The following NBPF11 variants were observed in gnomAD, a reference collection of about 807,000 sequenced individuals.
The protein encoded by NBPF11 is NBPF family member NBPF11.
A neutral mutation model predicts 93.9 loss-of-function variants in NBPF11; 72 were observed. The ratio of observed to expected loss-of-function variants is 0.77; its 90% CI spans 0.63 to 0.93. The LOEUF (loss-of-function observed/expected upper bound fraction) is 0.93, where lower values mean the gene tolerates loss of function less well. Among genes scored for constraint, NBPF11 ranks in the 40% least tolerant of loss-of-function variants. The pLI, the probability that NBPF11 is intolerant of heterozygous loss-of-function variation, is 0.00. For synonymous variants in NBPF11, 224 were observed against 304.9 expected (o/e 0.73, Z 2.76); for missense variants, 705 against 802.2 (o/e 0.88, Z 1.46).
At chr1:148,120,356 T>C (rs1667541649) in intron 10 of NBPF11, 145 bp downstream of exon 10, 1 of 666,780 alleles carries the variant, frequency 1.5e-6, no homozygotes, top group Non-Finnish European at 2.7e-6. Context: ...CTTCCAACTT[T>C]AACAAAATGT....
At chr1:148,124,494 T>A (rs1553272398) in intron 6 of NBPF11, among the ~76,000 whole-genome samples, 2 of 150,402 alleles carry the variant, frequency 1.3e-5, no homozygotes, top group Non-Finnish European at 2.9e-5. Flanking sequence ...AAGAAAAGAA[T>A]GACAGGGTCG....
Position 148,112,173 on chromosome 1 carries a change from C to T in NBPF11, c.1638-1632G>A, listed in dbSNP as rs1381513162. On this transcript the variant is annotated intron_variant, in intron 15 of 23. Coordinates refer to ENST00000682118, the MANE Select transcript of NBPF11 (RefSeq NM_001385469.3). ...GTATGTATATATATATATTTTAATA[C>T]TTTAAGTCTTAGGGTACACGTGCAC... is the stretch of plus-strand genomic sequence containing the variant. 5.5e-5 allele frequency among the ~76,000 whole-genome samples: 8 copies of T among 145,678 alleles called. 1 individual carries two copies. Among genetic ancestry groups the T allele is most frequent in the African/African-American group, 2.1e-4 (8 of 37,854 alleles).
At chr1:148,103,969 C>A in intron 23 of NBPF11, 57 bp from the exon 24 acceptor site, 7 of 1,609,712 alleles carry the variant, frequency 4.3e-6, no homozygotes, top group Non-Finnish European at 5.9e-6. Flanking sequence ...ACCACAGAGC[C>A]CCACTAGATT....
Position 148,118,655 on chromosome 1 carries a change from C to G in NBPF11, c.1056G>C (p.Lys352Asn). Residue 352 changes from lysine (K) to asparagine (N), a missense_variant, in exon 11 of 24, where the codon AAG becomes AAC. Transcript: ENST00000682118. ...CAGCTTGCTTCAGCTGCTCTGCAAG[C>G]TTCTCCTCCTTGAACTGTCGCTCAT... ...LRNERQFKEE[K>N]LAEQLKQAEE... 1 of 1,613,060 alleles carries G rather than the reference C, an allele frequency of 6.2e-7. No individual in the cohort carries two copies. The highest frequency in any genetic ancestry group is 1.1e-5 in the South Asian group (1 of 91,030).
intron 1 of NBPF11, among the ~76,000 whole-genome samples, chr1:148,144,416 G>A (rs1332131462): frequency 1.3e-5 from 2 of 151,348 alleles, no homozygotes; most frequent in Non-Finnish European, 2.9e-5. Flanking sequence ...CTTGGAGATT[G>A]CTGAATATGG....
chr1:148,151,809 T>G lies in NBPF11; in HGVS notation c.-608A>C, dbSNP rs1221997454. 8.5e-5 allele frequency: 13 copies of G among 152,114 alleles called. No homozygotes were observed. The highest frequency in any genetic ancestry group is 3.1e-4 in the African/African-American group (13 of 41,334). 9.4% of individuals were successfully genotyped at this position (152,114 alleles called of 1,614,324 possible). A position where few individuals can be genotyped will look rare whatever the true frequency, so the allele number is the denominator to read the frequency against. Reference sequence around the variant, plus strand: ...GAACTTCCCATCCAGGCTGCAGCCGTGCCGCCGTACCTCGGCCCCGCTCCT... The same window carrying G: ...GAACTTCCCATCCAGGCTGCAGCCGGGCCGCCGTACCTCGGCCCCGCTCCT... On this transcript the variant is annotated 5_prime_UTR_variant, in exon 1 of 24. Coordinates refer to ENST00000682118, the MANE Select transcript of NBPF11 (RefSeq NM_001385469.3).
intron 1 of NBPF11, among the ~76,000 whole-genome samples, chr1:148,150,580 A>G (rs1173813035): frequency 2.6e-5 from 4 of 151,976 alleles, no homozygotes; most frequent in Admixed American, 2.6e-4. Context: ...AAAGAAAGCT[A>G]TTAATGCATA....
At chr1:148,109,522 G>A (rs1553268205) in intron 16 of NBPF11, 187 bp from the exon 17 acceptor site, 3 of 635,966 alleles carry the variant, frequency 4.7e-6, no homozygotes, top group Admixed American at 2.4e-5. Context: ...TCTTTCATGA[G>A]CCTTGGGCAA....
intron 17 of NBPF11, among the ~76,000 whole-genome samples, 188 bp from the exon 18 acceptor site, chr1:148,108,842 G>GACACACAGACAC (rs1553267955): frequency 8.9e-6 from 1 of 112,812 alleles, no homozygotes; most frequent in Non-Finnish European, 1.8e-5. Context: ...GAAAGAGAAA[G>GACACACAGACAC]ACACACACAC....
chr1:148,126,884 C>G lies in NBPF11; in HGVS notation c.120G>C (p.Glu40Asp). The G allele has an allele frequency of 9.6e-6, 14 of 1,457,950 alleles. No individual in the cohort carries two copies. Among genetic ancestry groups the G allele is most frequent in the Admixed American group, 1.7e-5 (1 of 58,372 alleles). The allele number at this position is 1,457,950 out of a possible 1,614,324, so 90.3% of individuals were successfully genotyped here. Residue 40 changes from glutamate (E) to aspartate (D), a missense_variant, in exon 5 of 24, where the codon GAG (glutamate) becomes GAC (aspartate). Physicochemically the swap from Glu to Asp is conservative, Grantham distance 45. Coordinates refer to ENST00000682118, the MANE Select transcript of NBPF11 (RefSeq NM_001385469.3). ...ENKQQFRNLK[E>D]RCFLTQLAGF... ...CGGCCAGTTGAGTTAGAAAACATCT[C>G]TCTTTGAGGTTTCTGAACTGCTGTT...
rs1355296319 is a variant in NBPF11 at position 148,103,869 on chromosome 1, G to C, written c.*27C>G. ...GAATAATATCTATCCAGTGAGTCCT[G>C]TAAGACTTCAGGCACTTCCACTTCC... On this transcript the variant is annotated 3_prime_UTR_variant, in exon 24 of 24. Transcript: ENST00000682118. The C allele has an allele frequency of 1.9e-6, 3 of 1,611,204 alleles. No homozygotes were observed. Among genetic ancestry groups the C allele is most frequent in the Admixed American group, 1.7e-5 (1 of 59,988 alleles).
chr1:148,148,984 G>A (rs1381339503), intron 1 of NBPF11, among the ~76,000 whole-genome samples: 9 of 151,340 alleles, frequency 5.9e-5, no homozygotes, highest in African/African-American at 1.2e-4. Context: ...CCACCGCCAC[G>A]GTGTTGGGGG....
intron 1 of NBPF11, among the ~76,000 whole-genome samples, chr1:148,144,500 G>A (rs1370992582): frequency 2.6e-5 from 4 of 151,774 alleles, no homozygotes; most frequent in Admixed American, 6.6e-5. Context: ...GCGAGGTCAA[G>A]TACTGAGAAT....
intron 18 of NBPF11, among the ~76,000 whole-genome samples, chr1:148,108,088 A>C (rs1460272524): frequency 6.7e-6 from 1 of 149,996 alleles, no homozygotes; most frequent in Non-Finnish European, 1.5e-5. Context: ...AAACTGCACT[A>C]TTCAGCCCTG....
intron 1 of NBPF11, chr1:148,146,360 G>A: frequency 4.7e-6 from 7 of 1,499,172 alleles, no homozygotes; most frequent in South Asian, 2.6e-5. Flanking sequence ...GTTGGCGGGG[G>A]CCCCGGTGGA....
rs1384044820 is a variant in NBPF11 at position 148,146,744 on chromosome 1, C to T, written c.-548-3058G>A. ...GGTGCCAGGTACACGGTCCTCTTCT[C>T]GCACGGCAATGCCGTGGACCTGGGC... On this transcript the variant is annotated intron_variant, in intron 1 of 23. Coordinates refer to ENST00000682118, the MANE Select transcript of NBPF11 (RefSeq NM_001385469.3). The T allele has an allele frequency of 1.9e-5, 31 of 1,612,702 alleles. No homozygotes were observed. In the East Asian group the frequency reaches 5.6e-4, roughly 29 times the overall value.
At chr1:148,132,936 G>C (rs1283729272) in intron 4 of NBPF11, among the ~76,000 whole-genome samples, 1 of 144,194 alleles carries the variant, frequency 6.9e-6, no homozygotes, top group African/African-American at 2.6e-5. Context: ...ATTTTTAGTA[G>C]AGATGGGGTT....
rs2149252540 is a variant in NBPF11 at position 148,126,950 on chromosome 1, T to G, written c.54A>C (p.Leu18=). Residue 18 remains leucine (L), a synonymous_variant, in exon 5 of 24, where the codon CTA becomes CTC. Coordinates refer to ENST00000682118, the MANE Select transcript of NBPF11 (RefSeq NM_001385469.3). ...GGGGGCGCAATTTCTCGTTGATTTC[T>G]AGAATGTTCATCTCTGCCTTCTCGC... is the stretch of plus-strand genomic sequence containing the variant. ...WSSEKAEMNI[L]EINEKLRPQL... 1 of 915,682 alleles carries G rather than the reference T, an allele frequency of 1.1e-6. No individual in the cohort carries two copies. Among genetic ancestry groups the G allele is most frequent in the South Asian group, 1.3e-5 (1 of 76,062 alleles). 56.7% of individuals were successfully genotyped at this position (915,682 alleles called of 1,614,324 possible).
rs1670208797 is a variant in NBPF11 at position 148,130,878 on chromosome 1, AATG to A, written c.-35-3843_-35-3841del. 2.0e-5 allele frequency among the ~76,000 whole-genome samples: 3 copies of A among 151,874 alleles called. No individual in the cohort carries two copies. The South Asian group carries it at 6.2e-4, about 31-fold the overall frequency. ...ATTTTTAACCATTTTCTATAAATGA[AATG>A]ATACCTGTGTTCTTTTGTGTCTGCC... On this transcript the variant is annotated intron_variant, in intron 4 of 23. Coordinates refer to ENST00000682118, the MANE Select transcript of NBPF11 (RefSeq NM_001385469.3).
Sources: gnomAD v4.1 joint callset for allele counts (sites outside exome capture counted in the v4.1 genomes callset) on GRCh38, gnomAD v4.1.1 for gene constraint, MANE v1.5 for transcripts, NCBI Gene and HGNC (gene_info 2026-07-23, HGNC 2026-07-21) for gene names.